AZU1: variants seen among roughly 807,000 people sequenced by gnomAD.
AZU1 encodes the protein azurocidin 1.
In AZU1, 21 loss-of-function variants were observed where a neutral mutation model predicts 17.8. The ratio of observed to expected loss-of-function variants is 1.18; its 90% CI spans 0.84 to 1.70. AZU1 has a LOEUF of 1.70. AZU1 is among the 40% of genes most tolerant of loss of function. AZU1 has a pLI of 0.00. For missense variants in AZU1, 379 were observed against 362.9 expected, an observed-to-expected ratio of 1.04 and a Z score of -0.36; for synonymous variants, 178 against 155.2, an observed-to-expected ratio of 1.15 and a Z score of -1.09.
chr19:829,529 T>C, intron 2 of AZU1, 33 bp from the exon 3 acceptor site: 1 of 1,606,296 alleles, frequency 6.2e-7, no homozygotes. Context: ...CAGCCTGGTG[T>C]CCTCCCTCTG....
Position 830,911 on chromosome 19 carries a change from T to G in AZU1, c.564T>G (p.Gly188=). ...DQCRPNNVCT[G]VLTRRGGICN... ...GTCGCCCCAACAACGTGTGCACCGG[T>G]GTGCTCACCCGCCGCGGTGGCATCT... The change falls in exon 4 of 5, where the codon GGT becomes GGG. Residue 188 remains glycine, a synonymous_variant. Coordinates refer to ENST00000233997, the MANE Select transcript of AZU1 (RefSeq NM_001700.5). 1 of 1,603,424 alleles carries G rather than the reference T, an allele frequency of 6.2e-7. No homozygotes were observed. The highest frequency in any genetic ancestry group is 8.5e-7 in the Non-Finnish European group (1 of 1,179,862).
intron 3 of AZU1, 139 bp from the exon 4 acceptor site, chr19:830,569 C>T (rs959994450): frequency 2.5e-5 from 19 of 765,334 alleles, no homozygotes; most frequent in South Asian, 2.2e-4. Context: ...CGTGAGCCAC[C>T]GCACCCGGCC....
chr19:831,743 G>T lies in AZU1; in HGVS notation c.622G>T (p.Glu208Ter), dbSNP rs1280140263. 2 of 1,610,980 alleles carry T rather than the reference G, an allele frequency of 1.2e-6. No homozygotes were observed. The highest frequency in any genetic ancestry group is 4.5e-5 in the East Asian group (2 of 44,854). The change falls in exon 5 of 5, where the codon GAG (glutamate) becomes TAG (stop). Residue 208 changes from glutamate (E) to a stop codon, truncating the protein, a stop_gained. Coordinates refer to ENST00000233997, the MANE Select transcript of AZU1 (RefSeq NM_001700.5). LOFTEE classifies it low-confidence loss of function (END_TRUNC). ...GGACGGGGGCACCCCCCTCGTCTGC[G>T]AGGGCCTGGCCCACGGCGTGGCCTC... ...NGDGGTPLVC[E>*]GLAHGVASFS...
chr19:828,220 C>T lies in AZU1; in HGVS notation c.59-10C>T, dbSNP rs1388520037. ...CTTGGGGATCTCAGAGCTGTCTCCC[C>T]CCGACCCAGGCTCCAGCCCCCTTTT... On this transcript the variant is annotated splice_polypyrimidine_tract_variant and intron_variant, in intron 1 of 4. Coordinates refer to ENST00000233997, the MANE Select transcript of AZU1 (RefSeq NM_001700.5). 9 of 1,592,076 alleles carry T rather than the reference C, an allele frequency of 5.7e-6. No homozygotes were observed. Among genetic ancestry groups the T allele is most frequent in the African/African-American group, 5.4e-5 (4 of 73,886 alleles).
Position 831,838 on chromosome 19 carries a change from C to A in AZU1, c.717C>A (p.Ile239=). The A allele has an allele frequency of 6.2e-7, 1 of 1,612,726 alleles. No individual in the cohort carries two copies. The highest frequency in any genetic ancestry group is 2.2e-5 in the East Asian group (1 of 44,866). The change falls in exon 5 of 5, where the codon ATC becomes ATA. Residue 239 remains isoleucine, a synonymous_variant. Transcript: ENST00000233997. ...GAGTGGCGCTCTTCCGAGACTGGAT[C>A]GATGGTGTTCTCAACAACCCGGGAC... ...FTRVALFRDW[I]DGVLNNPGPG...
At position 828,227 on chromosome 19, in the gene AZU1, C is replaced by T. The variant is rs1317398325; in HGVS notation, c.59-3C>T. The T allele has an allele frequency of 6.3e-7, 1 of 1,597,232 alleles. No homozygotes were observed. The highest frequency in any genetic ancestry group is 8.5e-7 in the Non-Finnish European group (1 of 1,174,378). On this transcript the variant is annotated splice_region_variant and splice_polypyrimidine_tract_variant and intron_variant, in intron 1 of 4. Coordinates refer to ENST00000233997, the MANE Select transcript of AZU1 (RefSeq NM_001700.5). ...ATCTCAGAGCTGTCTCCCCCCGACC[C>T]AGGCTCCAGCCCCCTTTTGGACATC...
chr19:828,173 C>A (rs546084154), intron 1 of AZU1, 57 bp from the exon 2 acceptor site: 2 of 1,522,404 alleles, frequency 1.3e-6, no homozygotes, highest in African/African-American at 1.4e-5. Context: ...CTTCACACGC[C>A]CTCCCGGCCA....
chr19:831,855 AC>A lies in AZU1; in HGVS notation c.737del (p.Pro246ArgfsTer?), dbSNP rs1225932944. 3 of 1,612,108 alleles carry A rather than the reference AC, an allele frequency of 1.9e-6. No homozygotes were observed. The highest frequency in any genetic ancestry group is 3.3e-5 in the Admixed American group (2 of 59,942). On this transcript the variant is annotated frameshift_variant, in exon 5 of 5. Transcript: ENST00000233997. LOFTEE classifies it high-confidence loss of function. ...FRDWIDGVLN[N>X]PGPGPA ...GACTGGATCGATGGTGTTCTCAACAACCCGGGACCGGGGCCAGCCTAGGGGG... is the reference window on the plus strand; with the variant it reads ...GACTGGATCGATGGTGTTCTCAACAACCGGGACCGGGGCCAGCCTAGGGGG...
In AZU1 at chr19:832,001, A is replaced by G. The variant is rs1454911373; in HGVS notation, c.*124A>G. ...AGAGGGGCCCTGGCTGTAATAAAGA[A>G]GCCGATCTCTCCTCTGCTCCTGGTT... On this transcript the variant is annotated 3_prime_UTR_variant, in exon 5 of 5. Coordinates refer to ENST00000233997, the MANE Select transcript of AZU1 (RefSeq NM_001700.5). 1.6e-6 allele frequency: 2 copies of G among 1,215,336 alleles called. No individual in the cohort carries two copies. Among genetic ancestry groups the G allele is most frequent in the East Asian group, 2.5e-5 (1 of 40,464 alleles). 75.3% of individuals were successfully genotyped at this position (1,215,336 alleles called of 1,614,324 possible).
chr19:831,911 G>A lies in AZU1; in HGVS notation c.*34G>A, dbSNP rs376815060. 78 of 1,590,870 alleles carry A rather than the reference G, an allele frequency of 4.9e-5. No homozygotes were observed. The Admixed American group carries it at 6.7e-4, about 14-fold the overall frequency. On this transcript the variant is annotated 3_prime_UTR_variant, in exon 5 of 5. Transcript: ENST00000233997. ...GTGACCTCCCATGGAGCCCAGCCCC[G>A]CCCTCCACACCTCCGGCGCTCCGCA...
intron 2 of AZU1, 87 bp from the exon 3 acceptor site, chr19:829,475 G>A: frequency 6.6e-7 from 1 of 1,506,130 alleles, no homozygotes; most frequent in Non-Finnish European, 9.0e-7. Flanking sequence ...TGCAGGCTGG[G>A]ATCCCCCCTA....
chr19:828,142 T>A, intron 1 of AZU1, 88 bp from the exon 2 acceptor site: 2 of 1,453,578 alleles, frequency 1.4e-6, no homozygotes, highest in Non-Finnish European at 1.9e-6. Context: ...CCCCACTGGG[T>A]GGATAGAGCT....
At position 831,815 on chromosome 19, in the gene AZU1, G is replaced by C. The variant is rs1355978006; in HGVS notation, c.694G>C (p.Val232Leu). The change falls in exon 5 of 5, where the codon GTG (valine) becomes CTG (leucine). Residue 232 changes from valine (V) to leucine (L), a missense_variant. By Grantham distance (32) the Val-to-Leu change is conservative (BLOSUM62 1). Coordinates refer to ENST00000233997, the MANE Select transcript of AZU1 (RefSeq NM_001700.5). Reference sequence around the variant, plus strand: ...CCGAGGCCCTGACTTCTTCACCCGAGTGGCGCTCTTCCGAGACTGGATCGA... The same window carrying C: ...CCGAGGCCCTGACTTCTTCACCCGACTGGCGCTCTTCCGAGACTGGATCGA... ...CGRGPDFFTR[V>L]ALFRDWIDGV... 1.9e-6 allele frequency: 3 copies of C among 1,612,698 alleles called. No individual in the cohort carries two copies. In the East Asian group the frequency reaches 6.7e-5, roughly 36 times the overall value.
chr19:830,714 C>T lies in AZU1; in HGVS notation c.367C>T (p.Arg123Cys), dbSNP rs752367946. The T allele has an allele frequency of 2.8e-5, 44 of 1,565,124 alleles. No individual in the cohort carries two copies. The highest frequency in any genetic ancestry group is 1.3e-4 in the South Asian group (11 of 84,778). ...LNDLMLLQLD[R>C]EANLTSSVTI... is the part of the protein sequence containing the mutation. ...ACTCCATTTCCTTCCCCAGCTGGAC[C>T]GTGAGGCCAACCTCACCAGCAGCGT... Residue 123 changes from arginine (R) to cysteine (C), a missense_variant, in exon 4 of 5, where the codon CGT (arginine) becomes TGT (cysteine). By Grantham distance (180) the Arg-to-Cys change is radical. Transcript: ENST00000233997.
chr19:828,441 T>TG (rs2035242576), intron 2 of AZU1, 55 bp downstream of exon 2: 1 of 950,512 alleles, frequency 1.1e-6, no homozygotes, highest in Non-Finnish European at 1.3e-6. Flanking sequence ...AGAAGGGGCT[T>TG]GGGGGGCTTA....
chr19:830,300 G>A (rs1443843605), intron 3 of AZU1, among the ~76,000 whole-genome samples: 1 of 152,124 alleles, frequency 6.6e-6, no homozygotes, highest in African/African-American at 2.4e-5. Context: ...ACATACAGAT[G>A]TACCACGGTT....
At chr19:829,161 C>A (rs1441798472) in intron 2 of AZU1, among the ~76,000 whole-genome samples, 17 of 17,652 alleles carry the variant, frequency 9.6e-4, no homozygotes, top group Admixed American at 3.5e-3. Context: ...TGGGGGAGGC[C>A]CAGATAAGGG....
Position 828,318 on chromosome 19 carries a change from GC to G in AZU1, c.148del (p.His50ThrfsTer7). The G allele has an allele frequency of 6.2e-7, 1 of 1,611,280 alleles. No homozygotes were observed. The highest frequency in any genetic ancestry group is 8.5e-7 in the Non-Finnish European group (1 of 1,179,344). On this transcript the variant is annotated frameshift_variant, in exon 2 of 5. Transcript: ENST00000233997. LOFTEE classifies it high-confidence loss of function. ...TGGCCTCCATTCAGAATCAAGGCAGGCACTTCTGCGGGGGTGCCCTGATCCA... is the reference window on the plus strand; with the variant it reads ...TGGCCTCCATTCAGAATCAAGGCAGGACTTCTGCGGGGGTGCCCTGATCCA... ...FLASIQNQGR[H>X]FCGGALIHAR...
In AZU1 at chr19:828,274, C is replaced by A. The variant is rs1028099898; in HGVS notation, c.103C>A (p.Pro35Thr). 6.2e-7 allele frequency: 1 copy of A among 1,611,568 alleles called. No individual in the cohort carries two copies. The highest frequency in any genetic ancestry group is 8.5e-7 in the Non-Finnish European group (1 of 1,179,558). Residue 35 changes from proline (P) to threonine (T), a missense_variant, in exon 2 of 5, where the codon CCC (proline) becomes ACC (threonine). By Grantham distance (38) the Pro-to-Thr change is conservative. Coordinates refer to ENST00000233997, the MANE Select transcript of AZU1 (RefSeq NM_001700.5). ...CATCGTTGGCGGCCGGAAGGCGAGG[C>A]CCCGCCAGTTCCCGTTCCTGGCCTC... ...LDIVGGRKARPRQFPFLASIQ... is the reference protein window; with the variant it reads ...LDIVGGRKARTRQFPFLASIQ...
Sources: gnomAD v4.1 joint callset for allele counts (sites outside exome capture counted in the v4.1 genomes callset) on GRCh38, gnomAD v4.1.1 for gene constraint, MANE v1.5 for transcripts, NCBI Gene and HGNC (gene_info 2026-07-23, HGNC 2026-07-21) for gene names.